Variants in BMP2K observed in about 807,000 individuals in gnomAD.
BMP2K encodes BMP-2-inducible protein kinase.
Under a neutral mutation model 116.0 loss-of-function variants are expected in BMP2K, and 74 were observed. The ratio of observed to expected loss-of-function variants is 0.64; its 90% CI spans 0.53 to 0.77. The LOEUF (loss-of-function observed/expected upper bound fraction) is 0.77. Among genes scored for constraint, BMP2K ranks in the 30% least tolerant of loss-of-function variants. BMP2K has a pLI of 0.00. For missense variants in BMP2K, 1,365 were observed against 1,403.6 expected (o/e 0.97, Z 0.44); for synonymous variants, 486 against 502.5 (o/e 0.97, Z 0.44).
intron 1 of BMP2K, among the ~76,000 whole-genome samples, chr4:78,812,358 C>T (rs1321700750): frequency 6.6e-6 from 1 of 152,178 alleles, no homozygotes; most frequent in East Asian, 1.9e-4. Flanking sequence ...AACTAAGCTA[C>T]AAATAAGGAT....
intron 3 of BMP2K, among the ~76,000 whole-genome samples, chr4:78,836,425 A>G (rs1019487508): frequency 5.3e-5 from 8 of 152,156 alleles, no homozygotes; most frequent in African/African-American, 1.9e-4. Flanking sequence ...TCAAAAAAAA[A>G]AAAGAAGTAA....
chr4:78,781,666 T>C (rs907322506), intron 1 of BMP2K, among the ~76,000 whole-genome samples: 1 of 152,132 alleles, frequency 6.6e-6, no homozygotes, highest in African/African-American at 2.4e-5. Flanking sequence ...AAGGTGCTCA[T>C]TGAAGGACTC....
chr4:78,797,223 TG>T (rs796417153), intron 1 of BMP2K, among the ~76,000 whole-genome samples: 1 of 152,298 alleles, frequency 6.6e-6, no homozygotes, highest in African/African-American at 2.4e-5. Flanking sequence ...GGAGTTTCTG[TG>T]GTATCTGCAA....
intron 1 of BMP2K, among the ~76,000 whole-genome samples, chr4:78,784,452 G>A (rs1727644198): frequency 6.6e-6 from 1 of 152,220 alleles, no homozygotes; most frequent in African/African-American, 2.4e-5. Context: ...AGTGGTTAAT[G>A]ACTGAGCTGT....
chr4:78,802,831 A>G (rs1010103554), intron 1 of BMP2K, among the ~76,000 whole-genome samples: 5 of 142,638 alleles, frequency 3.5e-5, no homozygotes, highest in Admixed American at 2.0e-4. Flanking sequence ...ATCAGCATTT[A>G]TAATCTTTTT....
chr4:78,817,424 C>T (rs1729403909), intron 1 of BMP2K, among the ~76,000 whole-genome samples: 1 of 152,182 alleles, frequency 6.6e-6, no homozygotes, highest in Non-Finnish European at 1.5e-5. Context: ...CAGTGACTCA[C>T]AGAACTCAGG....
chr4:78,809,897 G>C (rs1729003245), intron 1 of BMP2K, among the ~76,000 whole-genome samples: 1 of 152,012 alleles, frequency 6.6e-6, no homozygotes, highest in Non-Finnish European at 1.5e-5. Context: ...TCTCTATATG[G>C]ACTATACTTT....
chr4:78,799,067 T>A (rs1162524716), intron 1 of BMP2K, among the ~76,000 whole-genome samples: 1 of 152,232 alleles, frequency 6.6e-6, no homozygotes, highest in Non-Finnish European at 1.5e-5. Context: ...ATGCTCAACA[T>A]TTCTGAAAAG....
chr4:78,884,934 C>T (rs1309399116), intron 14 of BMP2K, among the ~76,000 whole-genome samples: 1 of 152,080 alleles, frequency 6.6e-6, no homozygotes, highest in African/African-American at 2.4e-5. Context: ...GGTGTTTTGA[C>T]AACAAAATAA....
Position 78,850,979 on chromosome 4 carries a change from G to A in BMP2K, c.806G>A (p.Ser269Asn), listed in dbSNP as rs767102767. The A allele has an allele frequency of 1.1e-5, 18 of 1,612,110 alleles. No individual in the cohort carries two copies. The South Asian group carries it at 2.0e-4, about 18-fold the overall frequency. ...TTCTTCACTCTTCCTTTTGGTGAGA[G>A]TCAGGTTGCTATCTGTGATGGCAAC... ...LCFFTLPFGESQVAICDGNFT... is the reference protein window; with the variant it reads ...LCFFTLPFGENQVAICDGNFT... Residue 269 changes from serine to asparagine, a missense_variant, in exon 7 of 16, where the codon AGT (serine) becomes AAT (asparagine). Transcript: ENST00000502613.
chr4:78,815,315 T>C (rs1002096846), intron 1 of BMP2K, among the ~76,000 whole-genome samples: 1 of 152,142 alleles, frequency 6.6e-6, no homozygotes, highest in African/African-American at 2.4e-5. Flanking sequence ...CAAAAATATG[T>C]GTTAAGAATT....
intron 2 of BMP2K, among the ~76,000 whole-genome samples, chr4:78,829,122 T>C (rs1431620994): frequency 6.6e-6 from 1 of 152,204 alleles, no homozygotes; most frequent in African/African-American, 2.4e-5. Flanking sequence ...TCATGAAAGC[T>C]TTTTCTGTAG....
Position 78,916,248 on chromosome 4 carries a change from CCT to C in BMP2K, c.*4216_*4217del, listed in dbSNP as rs1476156929. The C allele has an allele frequency of 6.6e-6, 1 of 151,706 alleles. No homozygotes were observed. The highest frequency in any genetic ancestry group is 1.5e-5 in the Non-Finnish European group (1 of 67,808). 9.4% of individuals were successfully genotyped at this position (151,706 alleles called of 1,614,324 possible). A position where few individuals can be genotyped will look rare whatever the true frequency, so the allele number is the denominator to read the frequency against. On this transcript the variant is annotated 3_prime_UTR_variant, in exon 16 of 16. Coordinates refer to ENST00000502613, the MANE Select transcript of BMP2K (RefSeq NM_198892.2). Reference sequence around the variant, plus strand: ...TTATTCTTTTTGACTGAATTCTGTCCCTGATTCACTGTTTTGTTTGAAATTTA... The same window carrying C: ...TTATTCTTTTTGACTGAATTCTGTCCGATTCACTGTTTTGTTTGAAATTTA...
chr4:78,911,427 T>C lies in BMP2K; in HGVS notation c.2880T>C (p.Asp960=), dbSNP rs1353242407. The C allele has an allele frequency of 1.9e-6, 3 of 1,613,986 alleles. No individual in the cohort carries two copies. In the East Asian group the frequency reaches 6.7e-5, roughly 36 times the overall value. Residue 960 remains aspartate, a synonymous_variant, in exon 16 of 16, where the codon GAT becomes GAC. Coordinates refer to ENST00000502613, the MANE Select transcript of BMP2K (RefSeq NM_198892.2). ...NEDLFGLVPF[D]EITGSQQQKV... ...ACCTTTTTGGGCTTGTGCCCTTTGA[T>C]GAAATAACGGGGAGCCAGCAGCAAA...
chr4:78,873,757 G>A (rs1440556372), intron 13 of BMP2K, among the ~76,000 whole-genome samples: 2 of 151,990 alleles, frequency 1.3e-5, no homozygotes, highest in Non-Finnish European at 2.9e-5. Flanking sequence ...GGTGGGGCGG[G>A]TATGGTAGAG....
chr4:78,890,115 A>G (rs1733349598), intron 15 of BMP2K, among the ~76,000 whole-genome samples: 1 of 152,140 alleles, frequency 6.6e-6, no homozygotes, highest in Non-Finnish European at 1.5e-5. Flanking sequence ...TTGTAAATTG[A>G]AACTTTATTA....
At chr4:78,894,213 C>T (rs1577967966) in intron 15 of BMP2K, among the ~76,000 whole-genome samples, 1 of 152,154 alleles carries the variant, frequency 6.6e-6, no homozygotes, top group Non-Finnish European at 1.5e-5. Flanking sequence ...TTAAAGTCAC[C>T]AATTGCATTA....
In BMP2K at chr4:78,850,908, C is replaced by T; in HGVS notation, c.751-16C>T. ...AACTTGAGCTCTAATGATATTTATG[C>T]TTCTTTGGTTTACAGGCACTGGGAT... On this transcript the variant is annotated splice_polypyrimidine_tract_variant and intron_variant, in intron 6 of 15. Coordinates refer to ENST00000502613, the MANE Select transcript of BMP2K (RefSeq NM_198892.2). 1 of 1,608,102 alleles carries T rather than the reference C, an allele frequency of 6.2e-7. No individual in the cohort carries two copies. The highest frequency in any genetic ancestry group is 8.5e-7 in the Non-Finnish European group (1 of 1,177,142).
At chr4:78,859,713 G>C (rs749347364) in intron 8 of BMP2K, 26 bp downstream of exon 8, 50 of 1,441,572 alleles carry the variant, frequency 3.5e-5, no homozygotes, top group Non-Finnish European at 4.7e-5. Flanking sequence ...AGTAGGATAT[G>C]AATTTAAAAT....
Sources: allele counts gnomAD v4.1 joint callset (sites outside exome capture counted in the v4.1 genomes callset), GRCh38; gene constraint gnomAD v4.1.1; transcripts MANE v1.5; gene names NCBI Gene and HGNC (gene_info 2026-07-23, HGNC 2026-07-21).